Variants in NRG3 observed in about 807,000 individuals in gnomAD.
NRG3 encodes the protein neuregulin 3, also known as pro-neuregulin-3, membrane-bound isoform.
A neutral mutation model predicts 66.9 loss-of-function variants in NRG3; 31 were observed. The ratio of observed to expected loss-of-function variants is 0.46; its 90% CI spans 0.35 to 0.63. The LOEUF (loss-of-function observed/expected upper bound fraction) is 0.63. NRG3 is among the 20% of genes least tolerant of loss of function. The pLI is 0.00. For synonymous variants in NRG3, 393 were observed against 359.4 expected (o/e 1.09, Z -1.06); for missense variants, 910 against 878.9 (o/e 1.04, Z -0.45).
chr10:82,533,572 A>C (rs1847515544), intron 2 of NRG3, among the ~76,000 whole-genome samples: 1 of 152,162 alleles, frequency 6.6e-6, no homozygotes, highest in Non-Finnish European at 1.5e-5. Context: ...ACAAAGTAGG[A>C]ATAGAAGAAA....
chr10:82,415,012 C>G (rs1472621375), intron 2 of NRG3, among the ~76,000 whole-genome samples: 1 of 152,138 alleles, frequency 6.6e-6, no homozygotes, highest in African/African-American at 2.4e-5. Context: ...TTAATCAACT[C>G]TATAAAATAC....
intron 1 of NRG3, among the ~76,000 whole-genome samples, chr10:82,291,075 A>G (rs966490355): frequency 1.3e-5 from 2 of 152,078 alleles, no homozygotes; most frequent in African/African-American, 4.8e-5. Flanking sequence ...TTGCAGTTGA[A>G]CCATAATATA....
intron 2 of NRG3, among the ~76,000 whole-genome samples, chr10:82,514,444 A>G (rs1006920950): frequency 6.6e-6 from 1 of 152,018 alleles, no homozygotes; most frequent in Non-Finnish European, 1.5e-5. Flanking sequence ...AATAGGGACT[A>G]TTTTCCCTAT....
chr10:81,957,599 TTCTGTTAC>T (rs1395208731), intron 1 of NRG3, among the ~76,000 whole-genome samples: 2 of 152,218 alleles, frequency 1.3e-5, no homozygotes, highest in Non-Finnish European at 2.9e-5. Flanking sequence ...TGGTCTGTCT[TTCTGTTAC>T]TCTATTCCCA....
At chr10:82,318,761 C>G (rs2081417085) in intron 1 of NRG3, among the ~76,000 whole-genome samples, 1 of 152,200 alleles carries the variant, frequency 6.6e-6, no homozygotes, top group Non-Finnish European at 1.5e-5. Context: ...TGTATTGTAG[C>G]AAAATCAGGC....
chr10:82,501,531 A>T (rs944031818), intron 2 of NRG3, among the ~76,000 whole-genome samples: 1 of 152,030 alleles, frequency 6.6e-6, no homozygotes, highest in African/African-American at 2.4e-5. Flanking sequence ...TGGCCCCTTC[A>T]TTCCATGGTC....
At chr10:82,323,071 A>G (rs183613490) in intron 1 of NRG3, among the ~76,000 whole-genome samples, 2 of 152,328 alleles carry the variant, frequency 1.3e-5, no homozygotes, top group Non-Finnish European at 1.5e-5. Context: ...GAAATAAAAT[A>G]GGAATTACTG....
At chr10:82,827,490 C>T (rs1255722820) in intron 3 of NRG3, among the ~76,000 whole-genome samples, 1 of 152,006 alleles carries the variant, frequency 6.6e-6, no homozygotes, top group African/African-American at 2.4e-5. Flanking sequence ...GAGGAATAGC[C>T]CCAGGGAGAG....
chr10:82,904,164 A>C (rs182472222), intron 4 of NRG3, among the ~76,000 whole-genome samples: 1,776 of 152,292 alleles, frequency 0.012, 24 homozygotes, highest in Non-Finnish European at 0.018. Flanking sequence ...AATGCAGCCC[A>C]ACACAAATTC....
intron 2 of NRG3, among the ~76,000 whole-genome samples, chr10:82,713,814 T>C (rs1383845585): frequency 6.6e-6 from 1 of 152,226 alleles, no homozygotes; most frequent in African/African-American, 2.4e-5. Context: ...TATGGAAACC[T>C]ATATGACCAC....
At chr10:82,815,027 A>G (rs1410565631) in intron 3 of NRG3, among the ~76,000 whole-genome samples, 1 of 152,176 alleles carries the variant, frequency 6.6e-6, no homozygotes, top group Non-Finnish European at 1.5e-5. Context: ...TTCTAGAAAA[A>G]TGTTCTCATG....
Position 81,875,565 on chromosome 10 carries a change from C to T in NRG3, c.225C>T (p.Gly75=), listed in dbSNP as rs745314871. 1.2e-6 allele frequency: 2 copies of T among 1,613,418 alleles called. No homozygotes were observed. The highest frequency in any genetic ancestry group is 1.7e-6 in the Non-Finnish European group (2 of 1,179,918). Reference sequence around the variant, plus strand: ...TGTGCGTGGTACCTCTGTTCATCGGCTTCATCGGCCTGGGGCTCAGCCTCA... The same window carrying T: ...TGTGCGTGGTACCTCTGTTCATCGGTTTCATCGGCCTGGGGCTCAGCCTCA... ...TWLCVVPLFI[G]FIGLGLSLML... Residue 75 remains glycine (G), a synonymous_variant, in exon 1 of 9, where the codon GGC becomes GGT. Transcript: ENST00000372141. This position sits in a 1 kb window ranked among gnomAD's most constrained non-coding sequence, Gnocchi z 5.3.
At chr10:82,020,788 A>G (rs1387163221) in intron 1 of NRG3, among the ~76,000 whole-genome samples, 1 of 152,124 alleles carries the variant, frequency 6.6e-6, no homozygotes, top group East Asian at 1.9e-4. Flanking sequence ...GAGTTCTAAT[A>G]CATTCCTCAG....
intron 1 of NRG3, among the ~76,000 whole-genome samples, chr10:82,352,129 T>G (rs1253726122): frequency 2.0e-5 from 3 of 152,194 alleles, no homozygotes; most frequent in Non-Finnish European, 2.9e-5. Context: ...CAATAAGTAT[T>G]TACTGAATAA....
chr10:82,063,786 T>C (rs2133258241), intron 1 of NRG3, among the ~76,000 whole-genome samples: 2 of 152,162 alleles, frequency 1.3e-5, no homozygotes, highest in South Asian at 4.1e-4. Flanking sequence ...GAAAGAAAAA[T>C]GATGTATTCA....
At chr10:82,546,774 C>A (rs538173728) in intron 2 of NRG3, among the ~76,000 whole-genome samples, 1 of 152,242 alleles carries the variant, frequency 6.6e-6, no homozygotes, top group Admixed American at 6.5e-5. Context: ...ATGTTACATT[C>A]CACAAAACAA....
chr10:82,544,047 A>G (rs970459730), intron 2 of NRG3, among the ~76,000 whole-genome samples: 1 of 152,166 alleles, frequency 6.6e-6, no homozygotes, highest in East Asian at 1.9e-4. Flanking sequence ...TTTTCTTGTG[A>G]CTATTTAAGA....
intron 3 of NRG3, among the ~76,000 whole-genome samples, chr10:82,834,168 G>T (rs1385931263): frequency 3.9e-5 from 6 of 152,114 alleles, no homozygotes; most frequent in Non-Finnish European, 5.9e-5. Flanking sequence ...AGGAATTTTT[G>T]ATTTCAGGCT....
At chr10:82,856,756 C>CAAAAAAAA (rs67224862) in intron 3 of NRG3, among the ~76,000 whole-genome samples, 14 of 107,492 alleles carry the variant, frequency 1.3e-4, no homozygotes, top group East Asian at 3.1e-4. Flanking sequence ...AAAAAAAAAA[C>CAAAAAAAA]AAAAAAAAAA....
Sources: gnomAD v4.1 joint callset for allele counts (sites outside exome capture counted in the v4.1 genomes callset) on GRCh38, gnomAD v4.1.1 for gene constraint, Gnocchi (gnomAD v3.1) non-coding constraint, MANE v1.5 for transcripts, NCBI Gene and HGNC (gene_info 2026-07-23, HGNC 2026-07-21) for gene names.